MAP2: variants seen among roughly 807,000 people sequenced by gnomAD.
MAP2 encodes microtubule-associated protein 2.
Under a neutral mutation model 137.6 loss-of-function variants are expected in MAP2, and 14 were observed. The observed-to-expected ratio is 0.10, with a 90% confidence interval of 0.07 to 0.16. The LOEUF is 0.16. MAP2 is among the 10% of genes least tolerant of loss of function. The probability of loss-of-function intolerance (pLI) is 1.00; values close to 1 mark genes in which losing one functional copy is unlikely to be tolerated. For missense variants in MAP2, 2,088 were observed against 2,191.5 expected (o/e 0.95, Z 0.94); for synonymous variants, 786 against 782.3 (o/e 1.00, Z -0.08).
At chr2:209,576,640 A>C (rs1400564315) in intron 2 of MAP2, among the ~76,000 whole-genome samples, 2 of 152,168 alleles carry the variant, frequency 1.3e-5, no homozygotes, top group East Asian at 3.8e-4. Flanking sequence ...GAGTCTGAAA[A>C]ATATGTATGT....
rs75373148 is a variant in MAP2 at position 209,693,147 on chromosome 2, T to C, written c.977T>C (p.Leu326Ser). The C allele has an allele frequency of 1.5e-4, 239 of 1,611,194 alleles. No individual in the cohort carries two copies. In the East Asian group the frequency reaches 5.3e-3, roughly 36 times the overall value. The change falls in exon 8 of 16, where the codon TTA becomes TCA. Residue 326 changes from leucine to serine, a missense_variant. Leu to Ser is a moderately radical substitution (Grantham distance 145). Transcript: ENST00000682079. ...PFQGGSFTLP[L>S]DVMKNEIVTE... is the part of the protein sequence containing the mutation. ...CAAGGGGGAAGCTTCACTCTTCCTTTAGATGTCATGAAGAATGAAATAGTT... is the reference window on the plus strand; with the variant it reads ...CAAGGGGGAAGCTTCACTCTTCCTTCAGATGTCATGAAGAATGAAATAGTT...
intron 3 of MAP2, among the ~76,000 whole-genome samples, chr2:209,608,582 T>G (rs911296141): frequency 6.6e-6 from 1 of 152,202 alleles, no homozygotes; most frequent in African/African-American, 2.4e-5. Flanking sequence ...ACTCTATCAT[T>G]GGTCCATCCC....
At chr2:209,688,149 C>T (rs577483615) in intron 7 of MAP2, among the ~76,000 whole-genome samples, 7 of 152,210 alleles carry the variant, frequency 4.6e-5, no homozygotes, top group South Asian at 2.1e-4. Context: ...AGAAGCCTTA[C>T]TAGAGGCATG....
intron 2 of MAP2, chr2:209,579,321 C>A (rs16843177): frequency 0.045 from 6,765 of 151,444 alleles, 207 homozygotes; most frequent in African/African-American, 0.085. Flanking sequence ...CAAAGGAGAC[C>A]AGATGATGAC....
At chr2:209,480,908 G>A (rs540772564) in intron 1 of MAP2, among the ~76,000 whole-genome samples, 86 of 151,082 alleles carry the variant, frequency 5.7e-4, no homozygotes, top group Non-Finnish European at 9.6e-4. Flanking sequence ...CCCACTCTTC[G>A]TCTCATTTTC....
At chr2:209,447,991 T>C (rs1220857812) in intron 1 of MAP2, among the ~76,000 whole-genome samples, 1 of 152,126 alleles carries the variant, frequency 6.6e-6, no homozygotes, top group East Asian at 1.9e-4. Context: ...GAAATGTAAA[T>C]TCTACTTCAT....
chr2:209,571,350 C>T (rs1227431528), intron 2 of MAP2, among the ~76,000 whole-genome samples: 2 of 151,996 alleles, frequency 1.3e-5, no homozygotes, highest in Admixed American at 6.6e-5. Flanking sequence ...CAAGTCAATA[C>T]AGTCTCTCAT....
At chr2:209,706,835 T>C (rs924356864) in intron 12 of MAP2, among the ~76,000 whole-genome samples, 9 of 152,144 alleles carry the variant, frequency 5.9e-5, no homozygotes, top group Admixed American at 1.3e-4. Context: ...TGTTTTTGCC[T>C]ACAAGAAAAG....
intron 2 of MAP2, among the ~76,000 whole-genome samples, chr2:209,525,362 G>C (rs2063873058): frequency 6.6e-6 from 1 of 152,078 alleles, no homozygotes; most frequent in African/African-American, 2.4e-5. Flanking sequence ...TAAAAAACTT[G>C]ATATAGTCTA....
chr2:209,521,143 A>G (rs934530752), intron 2 of MAP2, among the ~76,000 whole-genome samples: 28 of 152,066 alleles, frequency 1.8e-4, no homozygotes, highest in African/African-American at 6.0e-4. Flanking sequence ...TGAATAATTT[A>G]TTCACTAAAC....
At position 209,693,073 on chromosome 2, in the gene MAP2, C is replaced by T. The variant is rs1008668320; in HGVS notation, c.903C>T (p.Ile301=). The change falls in exon 8 of 16, where the codon ATC becomes ATT. Residue 301 remains isoleucine, a synonymous_variant. Transcript: ENST00000682079. ...PMREKDVFDD[I]PKWEGKQFDS... is the part of the protein sequence containing the mutation. Reference sequence around the variant, plus strand: ...GGGAAAAAGATGTATTTGATGATATCCCAAAATGGGAAGGGAAACAGTTTG... The same window carrying T: ...GGGAAAAAGATGTATTTGATGATATTCCAAAATGGGAAGGGAAACAGTTTG... 17 of 1,613,038 alleles carry T rather than the reference C, an allele frequency of 1.1e-5. No homozygotes were observed. In the East Asian group the frequency reaches 3.3e-4, roughly 32 times the overall value.
intron 1 of MAP2, among the ~76,000 whole-genome samples, chr2:209,457,542 G>A (rs1701827949): frequency 6.6e-6 from 1 of 152,106 alleles, no homozygotes; most frequent in Non-Finnish European, 1.5e-5. Flanking sequence ...TTCAACCGGT[G>A]GTCATATAAT....
At chr2:209,679,511 T>G (rs2053598362) in intron 6 of MAP2, among the ~76,000 whole-genome samples, 1 of 146,786 alleles carries the variant, frequency 6.8e-6, no homozygotes, top group African/African-American at 2.7e-5. Context: ...ACGTGAGTCA[T>G]AGAAAGGTGT....
At chr2:209,561,712 C>T (rs2072141953) in intron 2 of MAP2, among the ~76,000 whole-genome samples, 2 of 152,184 alleles carry the variant, frequency 1.3e-5, no homozygotes, top group South Asian at 4.1e-4. Context: ...AATTTTAAAA[C>T]AATCCAATCA....
intron 2 of MAP2, among the ~76,000 whole-genome samples, chr2:209,538,947 C>A (rs1160266829): frequency 6.6e-6 from 1 of 152,006 alleles, no homozygotes; most frequent in Non-Finnish European, 1.5e-5. Flanking sequence ...GAATCTAGTA[C>A]AGATTACTAG....
chr2:209,514,931 A>G (rs2062249229), intron 2 of MAP2, among the ~76,000 whole-genome samples: 1 of 152,170 alleles, frequency 6.6e-6, no homozygotes, highest in South Asian at 2.1e-4. Context: ...CAAGGGCTTT[A>G]CTTTTAGGAA....
At chr2:209,717,573 G>A (rs2153791889) in intron 13 of MAP2, among the ~76,000 whole-genome samples, 1 of 152,178 alleles carries the variant, frequency 6.6e-6, no homozygotes. Context: ...ATAAATTATA[G>A]TGAAACAGAA....
At chr2:209,603,621 G>A (rs1253867842) in intron 3 of MAP2, among the ~76,000 whole-genome samples, 1 of 152,136 alleles carries the variant, frequency 6.6e-6, no homozygotes, top group Non-Finnish European at 1.5e-5. Flanking sequence ...GTTACTCCCA[G>A]TCTTTAATCC....
chr2:209,726,575 T>C (rs1023786575), intron 14 of MAP2, among the ~76,000 whole-genome samples: 1 of 152,114 alleles, frequency 6.6e-6, no homozygotes, highest in Non-Finnish European at 1.5e-5. Flanking sequence ...CTCAGCAACA[T>C]AGGGAAACCC....
Sources: gnomAD v4.1 joint callset for allele counts (sites outside exome capture counted in the v4.1 genomes callset) on GRCh38, gnomAD v4.1.1 for gene constraint, MANE v1.5 for transcripts, NCBI Gene and HGNC (gene_info 2026-07-23, HGNC 2026-07-21) for gene names.